Variants in VWA3A observed in about 807,000 individuals in gnomAD.
VWA3A encodes von Willebrand factor A domain-containing protein 3A.
VWA3A carries 134 observed loss-of-function variants against 160.4 expected under a neutral mutation model. The ratio of observed to expected loss-of-function variants is 0.84; its 90% CI spans 0.73 to 0.96. VWA3A has a LOEUF of 0.96. Among genes scored for constraint, VWA3A ranks in the 40% least tolerant of loss-of-function variants. The pLI is 0.00. For synonymous variants in VWA3A, 476 were observed against 543.4 expected (o/e 0.88, Z 1.72); for missense variants, 1,310 against 1,447.9 (o/e 0.90, Z 1.55).
intron 24 of VWA3A, 84 bp from the exon 25 acceptor site, chr16:22,142,584 C>T: frequency 9.3e-7 from 1 of 1,077,198 alleles, no homozygotes; most frequent in Non-Finnish European, 1.4e-6. Flanking sequence ...AGCCCCATCT[C>T]CAACACTGGG....
In VWA3A at chr16:22,110,772, GC is replaced by G. The variant is rs1262279777; in HGVS notation, c.583-113del. 7.8e-6 allele frequency: 7 copies of G among 895,106 alleles called. No individual in the cohort carries two copies. The East Asian group carries it at 2.1e-4, about 26-fold the overall frequency. 55.4% of individuals were successfully genotyped at this position (895,106 alleles called of 1,614,324 possible). A position where few individuals can be genotyped will look rare whatever the true frequency, so the allele number is the denominator to read the frequency against. On this transcript the variant is annotated intron_variant, in intron 7 of 33. Transcript: ENST00000389398. ...TGGCTGCTAAGCCCAGCCTCGAGCA[GC>G]CCTATTCAGTACAGCTCACACCCAG...
intron 28 of VWA3A, 28 bp from the exon 29 acceptor site, chr16:22,149,759 C>A: frequency 6.4e-7 from 1 of 1,573,004 alleles, no homozygotes; most frequent in Non-Finnish European, 8.7e-7. Context: ...CTTCTCTGCC[C>A]CTCACCTCCT....
rs1200790747 is a variant in VWA3A at position 22,120,997 on chromosome 16, C to CAT, written c.1148_1149dup (p.Ser384Ter). ...CCACAGAGATTACAAATGGGCCACT[C>CAT]ATAAGCCTCTTGCCTAAACCCCCAA... On this transcript the variant is annotated frameshift_variant, in exon 13 of 34. Transcript: ENST00000389398. LOFTEE classifies it high-confidence loss of function. 6.2e-7 allele frequency: 1 copy of CAT among 1,614,006 alleles called. No homozygotes were observed.
At chr16:22,125,402 G>T (rs1427314576) in intron 16 of VWA3A, among the ~76,000 whole-genome samples, 4 of 140,658 alleles carry the variant, frequency 2.8e-5, no homozygotes, top group African/African-American at 3.0e-5. Flanking sequence ...TATATTTGTT[G>T]TGTGTGTTTT....
chr16:22,124,545 T>C (rs947825178), intron 16 of VWA3A, among the ~76,000 whole-genome samples: 43 of 146,640 alleles, frequency 2.9e-4, no homozygotes, highest in African/African-American at 1.0e-3. Flanking sequence ...ATTATTATTA[T>C]TATTATTATT....
intron 6 of VWA3A, 30 bp from the exon 7 acceptor site, chr16:22,109,452 G>A: frequency 1.3e-6 from 2 of 1,542,166 alleles, no homozygotes; most frequent in Non-Finnish European, 8.8e-7. Context: ...ACTTGCACTG[G>A]CTGTTTCCAA....
intron 30 of VWA3A, 130 bp from the exon 31 acceptor site, chr16:22,152,381 A>C: frequency 8.1e-7 from 1 of 1,227,054 alleles, no homozygotes; most frequent in Non-Finnish European, 1.1e-6. Context: ...TCCATGGGAC[A>C]AGCCACGGCC....
intron 1 of VWA3A, among the ~76,000 whole-genome samples, chr16:22,093,892 G>C (rs1456183400): frequency 1.3e-5 from 2 of 151,630 alleles, no homozygotes; most frequent in Non-Finnish European, 2.9e-5. Flanking sequence ...ATCCTCCCTA[G>C]TAGCTGGGAC....
At chr16:22,121,443 C>A (rs2045732260) in intron 13 of VWA3A, 71 bp from the exon 14 acceptor site, 1 of 1,296,162 alleles carries the variant, frequency 7.7e-7, no homozygotes, top group Non-Finnish European at 1.1e-6. Flanking sequence ...AACCCTGTCT[C>A]AAAAAAATAA....
intron 26 of VWA3A, among the ~76,000 whole-genome samples, chr16:22,144,596 G>A (rs2046215078): frequency 1.3e-5 from 2 of 152,082 alleles, no homozygotes; most frequent in Admixed American, 1.3e-4. Context: ...TCCAGGGTTA[G>A]ATGAGCTCAT....
chr16:22,134,559 G>T lies in VWA3A; in HGVS notation c.2139+121G>T, dbSNP rs775254805. ...ACCATTGATTCTCTCACTTCCAGAGGCTGGAAGTCTGAAATCAAGGTGTCA... is the reference window on the plus strand; with the variant it reads ...ACCATTGATTCTCTCACTTCCAGAGTCTGGAAGTCTGAAATCAAGGTGTCA... On this transcript the variant is annotated intron_variant, in intron 21 of 33. Coordinates refer to ENST00000389398, the MANE Select transcript of VWA3A (RefSeq NM_173615.5). 40 of 834,604 alleles carry T rather than the reference G, an allele frequency of 4.8e-5. 1 individual carries two copies. Among genetic ancestry groups the T allele is most frequent in the South Asian group, 4.2e-4 (21 of 50,068 alleles). 51.7% of individuals were successfully genotyped at this position (834,604 alleles called of 1,614,324 possible).
intron 25 of VWA3A, among the ~76,000 whole-genome samples, chr16:22,143,242 G>C (rs572482878): frequency 4.7e-4 from 71 of 152,022 alleles, no homozygotes; most frequent in African/African-American, 1.7e-3. Flanking sequence ...TCAAAATCTA[G>C]GTCTGCCACT....
At position 22,096,963 on chromosome 16, in the gene VWA3A, A is replaced by ATTTTTTT. The variant is rs397754746; in HGVS notation, c.101+32_101+38dup. The ATTTTTTT allele has an allele frequency of 6.5e-6, 7 of 1,079,494 alleles. No homozygotes were observed. Among genetic ancestry groups the ATTTTTTT allele is most frequent in the Non-Finnish European group, 7.7e-6 (6 of 783,906 alleles). 66.9% of individuals were successfully genotyped at this position (1,079,494 alleles called of 1,614,324 possible). A position where few individuals can be genotyped will look rare whatever the true frequency, so the allele number is the denominator to read the frequency against. ...AACCATTGGTAAGCATAGTTCTCTGATTTTTTTTTTTTTTTTTTTTGAGGC... is the reference window on the plus strand; with the variant it reads ...AACCATTGGTAAGCATAGTTCTCTGATTTTTTTTTTTTTTTTTTTTTTTTTTTGAGGC... On this transcript the variant is annotated intron_variant, in intron 2 of 33. Coordinates refer to ENST00000389398, the MANE Select transcript of VWA3A (RefSeq NM_173615.5).
chr16:22,144,619 T>C (rs966871080), intron 26 of VWA3A, among the ~76,000 whole-genome samples: 1 of 151,944 alleles, frequency 6.6e-6, no homozygotes, highest in Admixed American at 6.6e-5. Flanking sequence ...GAATAAGAAT[T>C]ATAAACAATT....
At chr16:22,117,981 T>C (rs1184708923) in intron 11 of VWA3A, among the ~76,000 whole-genome samples, 1 of 152,176 alleles carries the variant, frequency 6.6e-6, no homozygotes, top group Non-Finnish European at 1.5e-5. Flanking sequence ...AAATATTTTA[T>C]CTTAAAACCT....
At chr16:22,115,977 AGAGAGAGAGAGAG>A (rs2045634468) in intron 9 of VWA3A, among the ~76,000 whole-genome samples, 1 of 142,832 alleles carries the variant, frequency 7.0e-6, no homozygotes, top group African/African-American at 2.6e-5. Context: ...GGAGGGAGAG[AGAGAGAGAGAGAG>A]GAGAGAGAGA....
intron 14 of VWA3A, among the ~76,000 whole-genome samples, 173 bp downstream of exon 14, chr16:22,121,790 ATTGAAC>A (rs2045739750): frequency 6.6e-6 from 1 of 152,118 alleles, no homozygotes; most frequent in Admixed American, 6.5e-5. Flanking sequence ...AGATCTGAAA[ATTGAAC>A]TTGGGAGATG....
At position 22,096,889 on chromosome 16, in the gene VWA3A, T is replaced by C. The variant is rs962858549; in HGVS notation, c.45T>C (p.Ala15=). The C allele has an allele frequency of 1.3e-6, 2 of 1,550,078 alleles. No homozygotes were observed. The highest frequency in any genetic ancestry group is 1.4e-5 in the African/African-American group (1 of 73,012). Residue 15 remains alanine (A), a synonymous_variant, in exon 2 of 34, where the codon GCT becomes GCC. Transcript: ENST00000389398. The stretch of plus-strand genomic sequence containing the variant: ...TAAGCATTGGGTGTTTTGCAATGGC[T>C]ACACAAACTAGTCATGTCTTCCATG... The part of the protein sequence containing the change: ...RKISIGCFAM[A]TQTSHVFHGQ...
chr16:22,122,296 G>C (rs897799816), intron 14 of VWA3A, among the ~76,000 whole-genome samples: 23 of 151,812 alleles, frequency 1.5e-4, no homozygotes, highest in Admixed American at 1.1e-3. Context: ...TGGATGGATG[G>C]ATGGATGGAT....
Sources: allele counts gnomAD v4.1 joint callset (sites outside exome capture counted in the v4.1 genomes callset), GRCh38; gene constraint gnomAD v4.1.1; transcripts MANE v1.5; gene names NCBI Gene and HGNC (gene_info 2026-07-23, HGNC 2026-07-21).